The following TAFA5 variants were observed in gnomAD, a reference collection of about 807,000 sequenced individuals.
TAFA5 encodes chemokine-like protein TAFA-5.
In TAFA5, 6 loss-of-function variants were observed where a neutral mutation model predicts 15.3. That is an observed-to-expected ratio of 0.39 (90% CI 0.21 to 0.77). The LOEUF is 0.77. Ranked by LOEUF, TAFA5 falls within the 30% of genes least tolerant of loss-of-function variation. The probability of loss-of-function intolerance (pLI) is 0.41; values close to 1 mark genes in which losing one functional copy is unlikely to be tolerated. For synonymous variants in TAFA5, 103 were observed against 80.7 expected (o/e 1.28, Z -1.48); for missense variants, 161 against 193.1 (o/e 0.83, Z 0.98).
intron 1 of TAFA5, among the ~76,000 whole-genome samples, chr22:48,638,400 A>G (rs956389681): frequency 1.2e-5 from 1 of 80,872 alleles, no homozygotes; most frequent in Non-Finnish European, 2.3e-5. Context: ...CACAGGGGGG[A>G]CCCCGACACT....
intron 1 of TAFA5, chr22:48,546,802 G>A: frequency 2.9e-6 from 1 of 345,486 alleles, no homozygotes; most frequent in Non-Finnish European, 5.8e-6. Flanking sequence ...GATTCCCGAA[G>A]TCACCGGCTC....
At chr22:48,620,629 C>A (rs113046802) in intron 1 of TAFA5, among the ~76,000 whole-genome samples, 774 of 55,380 alleles carry the variant, frequency 0.014, no homozygotes, top group East Asian at 0.022. Flanking sequence ...CCCACCATCC[C>A]CCATCCTATC....
At chr22:48,579,092 T>C (rs1308921890) in intron 1 of TAFA5, among the ~76,000 whole-genome samples, 1 of 151,524 alleles carries the variant, frequency 6.6e-6, no homozygotes, top group Non-Finnish European at 1.5e-5. Flanking sequence ...CACTTCTCCT[T>C]TTGTGTGGAG....
At chr22:48,615,920 G>A (rs1013361244) in intron 1 of TAFA5, among the ~76,000 whole-genome samples, 1 of 152,208 alleles carries the variant, frequency 6.6e-6, no homozygotes, top group Non-Finnish European at 1.5e-5. Context: ...TCCTCACCCT[G>A]GCTTTGCCCT....
chr22:48,723,443 C>T (rs1320687789), intron 3 of TAFA5, among the ~76,000 whole-genome samples: 4 of 152,160 alleles, frequency 2.6e-5, no homozygotes, highest in African/African-American at 7.2e-5. Flanking sequence ...TTCGTCACTG[C>T]GGCTCTGTCC....
chr22:48,492,564 T>C (rs1278177755), intron 1 of TAFA5, among the ~76,000 whole-genome samples: 4 of 152,196 alleles, frequency 2.6e-5, no homozygotes, highest in African/African-American at 4.8e-5. Flanking sequence ...CTCCACCGTC[T>C]GGCCGGAGAA....
chr22:48,621,455 G>A (rs531787570), intron 1 of TAFA5, among the ~76,000 whole-genome samples: 14 of 152,142 alleles, frequency 9.2e-5, no homozygotes, highest in East Asian at 7.8e-4. Context: ...GAACCCCCAT[G>A]CCCATCATGT....
intron 1 of TAFA5, among the ~76,000 whole-genome samples, chr22:48,602,091 G>C (rs1483735104): frequency 6.6e-6 from 1 of 152,182 alleles, no homozygotes; most frequent in Non-Finnish European, 1.5e-5. Flanking sequence ...CCCTCTGGGT[G>C]GTGCGAGAAT....
In TAFA5 at chr22:48,621,010, CCCAT is replaced by C. The variant is rs1412334809; in HGVS notation, c.113-25583_113-25580del. 2.0e-4 allele frequency among the ~76,000 whole-genome samples: 14 copies of C among 70,966 alleles called. 1 individual carries two copies. Among genetic ancestry groups the C allele is most frequent in the Admixed American group, 4.5e-4 (3 of 6,654 alleles). 46.6% of individuals were successfully genotyped at this position (70,966 alleles called of 152,430 possible). A position where few individuals can be genotyped will look rare whatever the true frequency, so the allele number is the denominator to read the frequency against. ...CCCACCCACCCACACTATCTATCCA[CCCAT>C]CCACCCACACTATCCATCCACCCTC... On this transcript the variant is annotated intron_variant, in intron 1 of 3. Coordinates refer to ENST00000402357, the MANE Select transcript of TAFA5 (RefSeq NM_001082967.3).
At chr22:48,508,001 C>A (rs931987778) in intron 1 of TAFA5, among the ~76,000 whole-genome samples, 6 of 152,086 alleles carry the variant, frequency 3.9e-5, no homozygotes, top group Admixed American at 1.3e-4. Context: ...GAGCCGCCCG[C>A]ATGCAGGGAG....
intron 1 of TAFA5, chr22:48,543,350 G>A (rs1048144411): frequency 4.6e-5 from 7 of 152,112 alleles, no homozygotes; most frequent in South Asian, 2.1e-4. Context: ...GTGTAATCAC[G>A]GCAATGAAGC....
At chr22:48,605,242 GAT>G in intron 1 of TAFA5, among the ~76,000 whole-genome samples, 4 of 125,126 alleles carry the variant, frequency 3.2e-5, no homozygotes, top group Non-Finnish European at 3.5e-5. Context: ...TAATGATGGT[GAT>G]GATGGTGATG....
chr22:48,566,587 G>C lies in TAFA5; in HGVS notation c.112+76883G>C, dbSNP rs1473357829. 6.6e-6 allele frequency among the ~76,000 whole-genome samples: 1 copy of C among 152,192 alleles called. No individual in the cohort carries two copies. The highest frequency in any genetic ancestry group is 2.4e-5 in the African/African-American group (1 of 41,446). On this transcript the variant is annotated intron_variant, in intron 1 of 3. Transcript: ENST00000402357. The surrounding 1 kb of genome is among the most constrained non-coding windows in gnomAD (Gnocchi z 4.5). The stretch of plus-strand genomic sequence containing the variant: ...TAGGGAGGTAGCAGGGGCTGCCCGG[G>C]TACACCTAGCTTTAGCCCAACCTCT...
intron 2 of TAFA5, among the ~76,000 whole-genome samples, chr22:48,664,185 A>G (rs147023460): frequency 2.0e-5 from 3 of 152,212 alleles, no homozygotes; most frequent in Non-Finnish European, 4.4e-5. Context: ...GATTGATGGC[A>G]GCTGGGTTTG....
chr22:48,491,420 GTGT>G, intron 1 of TAFA5, among the ~76,000 whole-genome samples: 1 of 152,144 alleles, frequency 6.6e-6, no homozygotes, highest in African/African-American at 2.4e-5. Context: ...TCATTCAGCA[GTGT>G]TTGGGGAGGG....
In TAFA5 at chr22:48,579,819, C is replaced by T. The variant is rs560160623; in HGVS notation, c.113-66778C>T. On this transcript the variant is annotated intron_variant, in intron 1 of 3. Transcript: ENST00000402357. The stretch of plus-strand genomic sequence containing the variant: ...CCTGGGCCACCCAGGCAGGCCACAG[C>T]GGCAGAGAGGTTTCTGGGCTTTGGC... 6.0e-4 allele frequency among the ~76,000 whole-genome samples: 91 copies of T among 152,296 alleles called. No homozygotes were observed. The Middle Eastern group carries it at 0.01, about 17-fold the overall frequency.
Position 48,589,620 on chromosome 22 carries a change from G to A in TAFA5, c.113-56977G>A, listed in dbSNP as rs555690379. On this transcript the variant is annotated intron_variant, in intron 1 of 3. Coordinates refer to ENST00000402357, the MANE Select transcript of TAFA5 (RefSeq NM_001082967.3). ...CCTTTGCAGATGTAGTTAAGGTCAG[G>A]TTCTCAAGATGATGGTGCCTTAGGT... Among the ~76,000 whole-genome samples the A allele has an allele frequency of 5.3e-5, 8 of 152,354 alleles. No homozygotes were observed. In the East Asian group the frequency reaches 1.5e-3, roughly 29 times the overall value.
intron 1 of TAFA5, among the ~76,000 whole-genome samples, chr22:48,612,264 T>C (rs1288338302): frequency 6.6e-6 from 1 of 152,042 alleles, no homozygotes; most frequent in African/African-American, 2.4e-5. Flanking sequence ...GTGACTCCAG[T>C]GCACACCCCC....
At chr22:48,628,703 G>A (rs1926108608) in intron 1 of TAFA5, among the ~76,000 whole-genome samples, 1 of 152,226 alleles carries the variant, frequency 6.6e-6, no homozygotes, top group Admixed American at 6.5e-5. Context: ...CAGAGACAGG[G>A]CATGGCTGCC....
Sources: allele counts gnomAD v4.1 joint callset (sites outside exome capture counted in the v4.1 genomes callset), GRCh38; gene constraint gnomAD v4.1.1; non-coding constraint Gnocchi (gnomAD v3.1); transcripts MANE v1.5; gene names NCBI Gene and HGNC (gene_info 2026-07-23, HGNC 2026-07-21).